Variants in RANBP10 observed in about 807,000 individuals in gnomAD.
RANBP10 encodes the protein ran-binding protein 10.
RANBP10 carries 24 observed loss-of-function variants against 72.8 expected under a neutral mutation model. That is an observed-to-expected ratio of 0.33 (90% CI 0.24 to 0.46). RANBP10 has a LOEUF of 0.46. Ranked by LOEUF, RANBP10 falls within the 20% of genes least tolerant of loss-of-function variation. The pLI, the probability that RANBP10 is intolerant of heterozygous loss-of-function variation, is 1.00. For missense variants in RANBP10, 679 were observed against 817.5 expected (o/e 0.83, Z 2.07); for synonymous variants, 310 against 322.3 (o/e 0.96, Z 0.41).
At chr16:67,783,230 A>G (rs2054846513) in intron 2 of RANBP10, among the ~76,000 whole-genome samples, 1 of 152,184 alleles carries the variant, frequency 6.6e-6, no homozygotes, top group African/African-American at 2.4e-5. Context: ...CCAACTGACT[A>G]GAGTTTCTTC....
rs113153588 is a variant in RANBP10 at position 67,729,384 on chromosome 16, G to A, written c.1248C>T (p.Ser416=). 3.1e-6 allele frequency: 5 copies of A among 1,613,482 alleles called. No homozygotes were observed. In the African/African-American group the frequency reaches 6.7e-5, roughly 22 times the overall value. ...AGGATGGGGAAGAGGACGAGGAGGA[G>A]GAGGAGGACGAGGATGAGGAGCTGG... ...PAPSSSSSSS[S]SSSSSSPSSV... The change falls in exon 10 of 14, where the codon TCC becomes TCT. Residue 416 remains serine, a synonymous_variant. Coordinates refer to ENST00000317506, the MANE Select transcript of RANBP10 (RefSeq NM_020850.3). This position sits in a 1 kb window ranked among gnomAD's most constrained non-coding sequence, Gnocchi z 7.1.
rs1421216648 is a variant in RANBP10 at position 67,730,714 on chromosome 16, G to T, written c.890-668C>A. 6.6e-6 allele frequency among the ~76,000 whole-genome samples: 1 copy of T among 152,094 alleles called. No individual in the cohort carries two copies. On this transcript the variant is annotated intron_variant, in intron 7 of 13. Transcript: ENST00000317506. The surrounding 1 kb of genome is among the most constrained non-coding windows in gnomAD (Gnocchi z 4.3). ...GATCCCAAGTCTGGGATCCCTTTCC[G>T]TCTGTCTGGCTGAGCACAGCTTCTC...
chr16:67,768,756 C>T (rs1449292360), intron 3 of RANBP10, among the ~76,000 whole-genome samples: 1 of 152,118 alleles, frequency 6.6e-6, no homozygotes, highest in Non-Finnish European at 1.5e-5. Context: ...ATACTAAGTC[C>T]AACACATGGC....
At chr16:67,793,877 A>AT (rs2055077315) in intron 2 of RANBP10, among the ~76,000 whole-genome samples, 1 of 151,114 alleles carries the variant, frequency 6.6e-6, no homozygotes, top group Admixed American at 6.6e-5. Flanking sequence ...TTTTTATTTT[A>AT]TTTATTTATT....
At chr16:67,805,829 G>A (rs2055391039) in intron 1 of RANBP10, among the ~76,000 whole-genome samples, 1 of 152,348 alleles carries the variant, frequency 6.6e-6, no homozygotes, top group Non-Finnish European at 1.5e-5. Context: ...TAGAATCCAG[G>A]CAGCCCACCT....
intron 2 of RANBP10, among the ~76,000 whole-genome samples, chr16:67,801,224 T>G (rs1451528003): frequency 6.6e-6 from 1 of 152,088 alleles, no homozygotes; most frequent in Non-Finnish European, 1.5e-5. Flanking sequence ...AATGGAACAG[T>G]AAGTTGATCA....
chr16:67,734,708 A>C (rs1053747652), intron 6 of RANBP10, 150 bp downstream of exon 6: 6 of 749,114 alleles, frequency 8.0e-6, no homozygotes, highest in Non-Finnish European at 1.2e-5. Context: ...GAGAAGCAGG[A>C]GAGCTGCAGG....
intron 2 of RANBP10, among the ~76,000 whole-genome samples, chr16:67,798,181 A>G (rs2055168484): frequency 6.6e-6 from 1 of 152,094 alleles, no homozygotes; most frequent in Admixed American, 6.6e-5. Context: ...CTGTAAGACC[A>G]TCAACTCCGG....
intron 3 of RANBP10, among the ~76,000 whole-genome samples, chr16:67,761,532 C>A (rs1367259941): frequency 2.0e-5 from 3 of 152,186 alleles, no homozygotes; most frequent in African/African-American, 7.2e-5. Flanking sequence ...TTCAATGATA[C>A]CTAACTCCAC....
chr16:67,789,672 T>C (rs2054987739), intron 2 of RANBP10, among the ~76,000 whole-genome samples: 1 of 151,650 alleles, frequency 6.6e-6, no homozygotes. Context: ...GGTTTCACCA[T>C]GTTGGTCAGG....
At chr16:67,744,185 G>C in intron 4 of RANBP10, 103 bp downstream of exon 4, 1 of 1,519,346 alleles carries the variant, frequency 6.6e-7, no homozygotes, top group Non-Finnish European at 8.8e-7. Flanking sequence ...CGGTACCCCA[G>C]AGCTCAGCAG....
Position 67,731,517 on chromosome 16 carries a change from C to T in RANBP10, c.844G>A (p.Glu282Lys). Residue 282 changes from glutamate to lysine, a missense_variant, in exon 7 of 14, where the codon GAA becomes AAA. Physicochemically the swap from Glu to Lys is moderately conservative, Grantham distance 56 (BLOSUM62 1). Coordinates refer to ENST00000317506, the MANE Select transcript of RANBP10 (RefSeq NM_020850.3). ...ATATAFARMT[E>K]TPIQEEQASI... Reference sequence around the variant, plus strand: ...GCCTGTTCTTCCTGAATCGGGGTTTCAGTCATTCGAGCAAAAGCCGTGGCT... The same window carrying T: ...GCCTGTTCTTCCTGAATCGGGGTTTTAGTCATTCGAGCAAAAGCCGTGGCT... 1.2e-6 allele frequency: 2 copies of T among 1,614,178 alleles called. No homozygotes were observed. The highest frequency in any genetic ancestry group is 1.7e-6 in the Non-Finnish European group (2 of 1,180,022).
rs541870024 is a variant in RANBP10 at position 67,727,159 on chromosome 16, T to C, written c.1732+168A>G. ...AAATACAACAACTAGCCAGGCGTGG[T>C]GGCACGCACCTTAGTCCCAGCTACT... On this transcript the variant is annotated intron_variant, in intron 13 of 13. Transcript: ENST00000317506. Among the ~76,000 whole-genome samples the C allele has an allele frequency of 3.9e-5, 6 of 152,324 alleles. No individual in the cohort carries two copies. The South Asian group carries it at 1.2e-3, about 32-fold the overall frequency.
At chr16:67,794,364 G>A (rs544172062) in intron 2 of RANBP10, among the ~76,000 whole-genome samples, 111 of 151,790 alleles carry the variant, frequency 7.3e-4, no homozygotes, top group Non-Finnish European at 1.3e-3. Context: ...TTGAACTCAG[G>A]GGGCGGAGGT....
At chr16:67,740,813 T>C (rs558732108) in intron 4 of RANBP10, among the ~76,000 whole-genome samples, 6 of 152,362 alleles carry the variant, frequency 3.9e-5, no homozygotes, top group Admixed American at 1.3e-4. Context: ...CCGCATGGTC[T>C]GCCTGTCTGA....
At position 67,746,147 on chromosome 16, in the gene RANBP10, A is replaced by C. The variant is rs539277602; in HGVS notation, c.401-1692T>G. Among the ~76,000 whole-genome samples, 7 of 142,166 alleles carry C rather than the reference A, an allele frequency of 4.9e-5. No homozygotes were observed. The East Asian group carries it at 1.6e-3, about 32-fold the overall frequency. 93.3% of individuals were successfully genotyped at this position (142,166 alleles called of 152,430 possible). ...CTCCAGCCTGGGCAACAAGAGCGAAACTCTGTCTCAAAAAAATAAAAAATA... is the reference window on the plus strand; with the variant it reads ...CTCCAGCCTGGGCAACAAGAGCGAACCTCTGTCTCAAAAAAATAAAAAATA... On this transcript the variant is annotated intron_variant, in intron 3 of 13. Coordinates refer to ENST00000317506, the MANE Select transcript of RANBP10 (RefSeq NM_020850.3).
intron 3 of RANBP10, among the ~76,000 whole-genome samples, chr16:67,756,758 G>C (rs758298320): frequency 6.6e-6 from 1 of 152,146 alleles, no homozygotes; most frequent in Non-Finnish European, 1.5e-5. Context: ...CCTGAGCACT[G>C]ATCACCAAGC....
At chr16:67,791,345 A>G (rs2055024970) in intron 2 of RANBP10, among the ~76,000 whole-genome samples, 2 of 152,150 alleles carry the variant, frequency 1.3e-5, no homozygotes, top group Admixed American at 6.6e-5. Context: ...GAGGGAAGGT[A>G]TATTTCATGG....
Position 67,730,189 on chromosome 16 carries a change from G to T in RANBP10, c.890-143C>A, listed in dbSNP as rs1431052479. 5 of 689,712 alleles carry T rather than the reference G, an allele frequency of 7.2e-6. No homozygotes were observed. Among genetic ancestry groups the T allele is most frequent in the Non-Finnish European group, 1.2e-5 (5 of 406,394 alleles). The allele number at this position is 689,712 out of a possible 1,614,324, so 42.7% of individuals were successfully genotyped here. On this transcript the variant is annotated intron_variant, in intron 7 of 13. Transcript: ENST00000317506. This position sits in a 1 kb window ranked among gnomAD's most constrained non-coding sequence, Gnocchi z 4.3. ...AATGCTCACAGGAGAGGAGGCTGGA[G>T]AAAGAACCTGACTGCCCAGCCCAAC...
Sources: gnomAD v4.1 joint callset for allele counts (sites outside exome capture counted in the v4.1 genomes callset) on GRCh38, gnomAD v4.1.1 for gene constraint, Gnocchi (gnomAD v3.1) non-coding constraint, MANE v1.5 for transcripts, NCBI Gene and HGNC (gene_info 2026-07-23, HGNC 2026-07-21) for gene names.